ATP8A2: variants seen among roughly 807,000 people sequenced by gnomAD.
ATP8A2 encodes ATPase phospholipid transporting 8A2.
Under a neutral mutation model 165.6 loss-of-function variants are expected in ATP8A2, and 100 were observed. The observed-to-expected ratio is 0.60, with a 90% CI of 0.51 to 0.71. The LOEUF (loss-of-function observed/expected upper bound fraction) is 0.71, where lower values mean the gene tolerates loss of function less well. Ranked by LOEUF, ATP8A2 falls within the 30% of genes least tolerant of loss-of-function variation. ATP8A2 has a pLI of 0.00. For missense variants in ATP8A2, 1,227 were observed against 1,479.5 expected, an observed-to-expected ratio of 0.83 and a Z score of 2.80; for synonymous variants, 543 against 548.8, an observed-to-expected ratio of 0.99 and a Z score of 0.15.
At chr13:25,985,441 C>A (rs1210155390) in intron 35 of ATP8A2, among the ~76,000 whole-genome samples, 3 of 152,156 alleles carry the variant, frequency 2.0e-5, no homozygotes, top group African/African-American at 4.8e-5. Flanking sequence ...ACTCTTATGT[C>A]AGTAGAAGAT....
At chr13:25,605,955 T>C (rs1162876703) in intron 24 of ATP8A2, among the ~76,000 whole-genome samples, 1 of 152,184 alleles carries the variant, frequency 6.6e-6, no homozygotes, top group African/African-American at 2.4e-5. Context: ...AACACACGTA[T>C]GTACATATAA....
chr13:25,525,698 C>G (rs917120779), intron 2 of ATP8A2, among the ~76,000 whole-genome samples: 3 of 151,940 alleles, frequency 2.0e-5, no homozygotes, highest in Admixed American at 2.0e-4. Flanking sequence ...GTTCTTTATA[C>G]GTTATTTTCT....
intron 33 of ATP8A2, among the ~76,000 whole-genome samples, chr13:25,945,278 C>T (rs893762226): frequency 2.3e-5 from 3 of 132,528 alleles, no homozygotes; most frequent in South Asian, 2.8e-4. Flanking sequence ...CTGTCAAATG[C>T]GTGGCTACTT....
At chr13:25,475,180 C>A (rs756315193) in intron 2 of ATP8A2, among the ~76,000 whole-genome samples, 5 of 152,052 alleles carry the variant, frequency 3.3e-5, no homozygotes, top group Non-Finnish European at 7.4e-5. Flanking sequence ...CCACCCTCCA[C>A]CCTCAAGCAG....
intron 1 of ATP8A2, among the ~76,000 whole-genome samples, chr13:25,428,647 G>T (rs2034518836): frequency 6.6e-6 from 1 of 152,136 alleles, no homozygotes; most frequent in African/African-American, 2.4e-5. Context: ...AGGTGGCAAG[G>T]TGTGTGTTTG....
At chr13:25,575,481 G>A (rs1361956890) in intron 19 of ATP8A2, among the ~76,000 whole-genome samples, 2 of 152,152 alleles carry the variant, frequency 1.3e-5, no homozygotes, top group East Asian at 3.8e-4. Context: ...ACATGGAATT[G>A]TCAGTACTAA....
intron 35 of ATP8A2, among the ~76,000 whole-genome samples, chr13:26,010,371 G>A (rs1956821530): frequency 1.3e-5 from 2 of 152,222 alleles, no homozygotes. Context: ...TGGTCCAGGG[G>A]CATGGGGGCA....
intron 36 of ATP8A2, among the ~76,000 whole-genome samples, chr13:26,018,084 C>T (rs1957022831): frequency 6.6e-6 from 1 of 152,188 alleles, no homozygotes; most frequent in Non-Finnish European, 1.5e-5. Context: ...CCTCACTGGT[C>T]TGGGCCCTCC....
At chr13:25,602,940 G>T (rs961002026) in intron 24 of ATP8A2, among the ~76,000 whole-genome samples, 1 of 151,870 alleles carries the variant, frequency 6.6e-6, no homozygotes, top group Admixed American at 6.6e-5. Flanking sequence ...GGCATGGGGG[G>T]GTGTGCCTGT....
chr13:25,969,907 A>G (rs1955874786), intron 35 of ATP8A2, among the ~76,000 whole-genome samples: 1 of 152,178 alleles, frequency 6.6e-6, no homozygotes, highest in East Asian at 1.9e-4. Context: ...AGGCTTGTTC[A>G]GGGCTGTTCT....
chr13:25,837,851 G>T (rs74038033), intron 29 of ATP8A2, among the ~76,000 whole-genome samples: 4,925 of 152,180 alleles, frequency 0.032, 272 homozygotes, highest in African/African-American at 0.11. Context: ...ATAAAAAAAA[G>T]AAAGATATAG....
chr13:25,472,603 GGATA>G (rs2035878325), intron 2 of ATP8A2, among the ~76,000 whole-genome samples: 1 of 152,148 alleles, frequency 6.6e-6, no homozygotes, highest in African/African-American at 2.4e-5. Flanking sequence ...TTTTATAAAA[GGATA>G]AATAATTTGT....
At chr13:25,605,530 T>C (rs2040493100) in intron 24 of ATP8A2, among the ~76,000 whole-genome samples, 2 of 152,134 alleles carry the variant, frequency 1.3e-5, no homozygotes, top group South Asian at 4.1e-4. Context: ...TTATATAAAT[T>C]TTTGGCTCTT....
chr13:25,674,860 A>C (rs1418092601), intron 24 of ATP8A2, among the ~76,000 whole-genome samples: 5 of 152,192 alleles, frequency 3.3e-5, no homozygotes, highest in African/African-American at 4.8e-5. Context: ...ACCAAATCCA[A>C]ATTATTTCTC....
At chr13:25,923,691 T>G (rs1265266737) in intron 33 of ATP8A2, among the ~76,000 whole-genome samples, 1 of 150,452 alleles carries the variant, frequency 6.6e-6, no homozygotes, top group East Asian at 1.9e-4. Context: ...GACATCAAAA[T>G]AATAAAAAAA....
chr13:25,860,301 T>A, intron 31 of ATP8A2, 45 bp downstream of exon 31: 1 of 1,315,470 alleles, frequency 7.6e-7, no homozygotes, highest in Non-Finnish European at 1.1e-6. Context: ...ACAGCTTATG[T>A]GTGGCTTGCA....
chr13:25,929,680 A>T (rs9553674), intron 33 of ATP8A2, among the ~76,000 whole-genome samples: 68,443 of 151,818 alleles, frequency 0.45, 17,157 homozygotes, highest in East Asian at 0.71. Flanking sequence ...CAACACAGTG[A>T]GACCTCGTCT....
Position 25,774,757 on chromosome 13 carries a change from A to C in ATP8A2, c.2569-92A>C, listed in dbSNP as rs563560495. ...GCGGAATCTGGTTTCCTCTACCTACATTATCTGACTTCTGTTCATAAGGAC... is the reference window on the plus strand; with the variant it reads ...GCGGAATCTGGTTTCCTCTACCTACCTTATCTGACTTCTGTTCATAAGGAC... On this transcript the variant is annotated intron_variant, in intron 26 of 36. Coordinates refer to ENST00000381655, the MANE Select transcript of ATP8A2 (RefSeq NM_016529.6). 6.6e-5 allele frequency: 48 copies of C among 724,720 alleles called. No homozygotes were observed. In the South Asian group the frequency reaches 8.3e-4, roughly 13 times the overall value. 44.9% of individuals were successfully genotyped at this position (724,720 alleles called of 1,614,324 possible).
chr13:25,975,007 T>C (rs906116261), intron 35 of ATP8A2, among the ~76,000 whole-genome samples: 2 of 152,148 alleles, frequency 1.3e-5, no homozygotes, highest in African/African-American at 4.8e-5. Flanking sequence ...TCTTCTCACG[T>C]GTGCGACCCT....
Sources: allele counts gnomAD v4.1 joint callset (sites outside exome capture counted in the v4.1 genomes callset), GRCh38; gene constraint gnomAD v4.1.1; transcripts MANE v1.5; gene names NCBI Gene and HGNC (gene_info 2026-07-23, HGNC 2026-07-21).